Variants in ZNF337 observed in about 807,000 individuals in gnomAD.
The protein encoded by ZNF337 is zinc finger protein 337.
In ZNF337, 8 loss-of-function variants were observed where a neutral mutation model predicts 12.1. The ratio of observed to expected loss-of-function variants is 0.66; its 90% CI spans 0.39 to 1.19. ZNF337 has a LOEUF of 1.19. ZNF337 is among the 50% of genes most tolerant of loss of function. The probability of loss-of-function intolerance (pLI) is 0.01; values close to 1 mark genes in which losing one functional copy is unlikely to be tolerated. For synonymous variants in ZNF337, 336 were observed against 320.0 expected, an observed-to-expected ratio of 1.05 and a Z score of -0.53; for missense variants, 882 against 896.6, an observed-to-expected ratio of 0.98 and a Z score of 0.21.
rs770806731 is a variant in ZNF337 at position 25,675,017 on chromosome 20, T to C, written c.*15A>G. On this transcript the variant is annotated 3_prime_UTR_variant, in exon 5 of 5. Transcript: ENST00000252979. Reference sequence around the variant, plus strand: ...TCTCCTGAGTGTGTCCTCTGATGGATGGTGAGATATAACTTCAAGATGAAG... The same window carrying C: ...TCTCCTGAGTGTGTCCTCTGATGGACGGTGAGATATAACTTCAAGATGAAG... 14 of 1,604,312 alleles carry C rather than the reference T, an allele frequency of 8.7e-6. No homozygotes were observed. Among genetic ancestry groups the C allele is most frequent in the East Asian group, 4.5e-5 (2 of 44,820 alleles).
Position 25,675,339 on chromosome 20 carries a change from TG to T in ZNF337, c.1948del (p.His650ThrfsTer83). The stretch of plus-strand genomic sequence containing the variant: ...ACACACGAAGGGCTTCTCCCCTGAG[TG>T]TGTCCTCTGGTGTGTGAGGAGATTT... The part of the protein sequence containing the change: ...KGNLLTHQRT[H>X]SGEKPFVCNV... On this transcript the variant is annotated frameshift_variant, in exon 5 of 5. Coordinates refer to ENST00000252979, the MANE Select transcript of ZNF337 (RefSeq NM_015655.4). LOFTEE classifies it low-confidence loss of function (END_TRUNC). 6.2e-7 allele frequency: 1 copy of T among 1,614,208 alleles called. No individual in the cohort carries two copies. Among genetic ancestry groups the T allele is most frequent in the Non-Finnish European group, 8.5e-7 (1 of 1,180,034 alleles).
chr20:25,686,661 T>TG (rs2065836831), intron 1 of ZNF337, 195 bp from the exon 2 acceptor site: 1 of 555,864 alleles, frequency 1.8e-6, no homozygotes, highest in African/African-American at 1.9e-5. Context: ...GAGTGAAGTG[T>TG]GCCCCAGGAG....
At chr20:25,690,649 T>C (rs964691642) in intron 1 of ZNF337, among the ~76,000 whole-genome samples, 1 of 152,150 alleles carries the variant, frequency 6.6e-6, no homozygotes, top group African/African-American at 2.4e-5. Flanking sequence ...GGGCAAGATA[T>C]TATGGGTGGA....
Position 25,685,577 on chromosome 20 carries a change from G to A in ZNF337, c.240C>T (p.Gly80=). The part of the protein sequence containing the change: ...PWGEERRRRP[G]PCAGIYAEHV... ...TGTCTATCCCCTCACCTGCACAGGG[G>A]CCTGGCCGGCGTCTTCTCTCTTCTC... The change falls in exon 4 of 5, where the codon GGC becomes GGT. Residue 80 remains glycine (G), a synonymous_variant. Transcript: ENST00000252979. The A allele has an allele frequency of 6.2e-7, 1 of 1,613,920 alleles. No individual in the cohort carries two copies. Among genetic ancestry groups the A allele is most frequent in the Non-Finnish European group, 8.5e-7 (1 of 1,179,780 alleles).
intron 4 of ZNF337, among the ~76,000 whole-genome samples, chr20:25,679,415 A>G (rs1012225991): frequency 3.3e-4 from 51 of 152,352 alleles, no homozygotes; most frequent in African/African-American, 1.2e-3. Context: ...AAATATCTGC[A>G]AAGTATTCAT....
intron 4 of ZNF337, among the ~76,000 whole-genome samples, chr20:25,679,705 T>G (rs2065748256): frequency 6.6e-6 from 1 of 152,100 alleles, no homozygotes. Flanking sequence ...TATACACTCT[T>G]GGTGTATAAT....
At position 25,674,443 on chromosome 20, in the gene ZNF337, T is replaced by C. The variant is rs142821224; in HGVS notation, c.*589A>G. On this transcript the variant is annotated 3_prime_UTR_variant, in exon 5 of 5. Transcript: ENST00000252979. Reference sequence around the variant, plus strand: ...CTTTTCATAAGGGCACCTGATCCCATTCGCAAAGCTCTATCTTCGTGACTT... The same window carrying C: ...CTTTTCATAAGGGCACCTGATCCCACTCGCAAAGCTCTATCTTCGTGACTT... 4.5e-4 allele frequency: 68 copies of C among 152,664 alleles called. No individual in the cohort carries two copies. In the East Asian group the frequency reaches 0.011, roughly 26 times the overall value. The allele number at this position is 152,664 out of a possible 1,614,324, so 9.5% of individuals were successfully genotyped here. A position where few individuals can be genotyped will look rare whatever the true frequency, so the allele number is the denominator to read the frequency against.
At position 25,675,052 on chromosome 20, in the gene ZNF337, C is replaced by G. The variant is rs761060400; in HGVS notation, c.2236G>C (p.Val746Leu). 3.1e-6 allele frequency: 5 copies of G among 1,613,614 alleles called. No homozygotes were observed. Among genetic ancestry groups the G allele is most frequent in the Non-Finnish European group, 4.2e-6 (5 of 1,179,738 alleles). Reference sequence around the variant, plus strand: ...TAACTTCAAGATGAAGCCTCACCCACACTCCCTGTACAAAAACGCTTCTCA... The same window carrying G: ...TAACTTCAAGATGAAGCCTCACCCAGACTCCCTGTACAAAAACGCTTCTCA... ...LREKRFCTGSVGEASS is the reference protein window; with the variant it reads ...LREKRFCTGSLGEASS The change falls in exon 5 of 5, where the codon GTG becomes CTG. Residue 746 changes from valine to leucine, a missense_variant. By Grantham distance (32) the Val-to-Leu change is conservative (BLOSUM62 1). Coordinates refer to ENST00000252979, the MANE Select transcript of ZNF337 (RefSeq NM_015655.4).
rs1298884499 is a variant in ZNF337, at chr20:25,673,927, A to C, written c.*1105T>G. 1.3e-5 allele frequency: 2 copies of C among 152,198 alleles called. No individual in the cohort carries two copies. The highest frequency in any genetic ancestry group is 4.8e-5 in the African/African-American group (2 of 41,456). The allele number at this position is 152,198 out of a possible 1,614,324, so 9.4% of individuals were successfully genotyped here. A position where few individuals can be genotyped will look rare whatever the true frequency, so the allele number is the denominator to read the frequency against. On this transcript the variant is annotated 3_prime_UTR_variant, in exon 5 of 5. Transcript: ENST00000252979. ...TTCTCTATCATTGAGGCATTTTCTC[A>C]GGAAATCACCTGTGAAATATTTTGC...
rs573784134 is a variant in ZNF337 at position 25,686,597 on chromosome 20, G to A, written c.-49-131C>T. The A allele has an allele frequency of 1.1e-4, 76 of 675,210 alleles. 1 individual carries two copies. The highest frequency in any genetic ancestry group is 6.8e-4 in the Admixed American group (22 of 32,472). The allele number at this position is 675,210 out of a possible 1,614,324, so 41.8% of individuals were successfully genotyped here. On this transcript the variant is annotated intron_variant, in intron 1 of 4. Coordinates refer to ENST00000252979, the MANE Select transcript of ZNF337 (RefSeq NM_015655.4). ...TGCACAATTCCCCTGTGGGGATCTG[G>A]CCAAAAGGTCTAGGGAGCCAGGCTC...
At position 25,675,079 on chromosome 20, in the gene ZNF337, G is replaced by GT. The variant is rs1223819574; in HGVS notation, c.2208dup (p.Arg737ThrfsTer2). On this transcript the variant is annotated frameshift_variant, in exon 5 of 5. Coordinates refer to ENST00000252979, the MANE Select transcript of ZNF337 (RefSeq NM_015655.4). LOFTEE classifies it low-confidence loss of function (END_TRUNC). ...CTCCCTGTACAAAAACGCTTCTCAC[G>GT]TAAGTGTCTCTTTAAGTGCTTACTG... 13 of 1,612,744 alleles carry GT rather than the reference G, an allele frequency of 8.1e-6. No homozygotes were observed. In the East Asian group the frequency reaches 1.6e-4, roughly 19 times the overall value.
At chr20:25,678,190 A>C (rs1395984664) in intron 4 of ZNF337, 1 of 152,216 alleles carries the variant, frequency 6.6e-6, no homozygotes, top group Non-Finnish European at 1.5e-5. Context: ...TGATGTCAAT[A>C]AAGTTGCACA....
Position 25,676,781 on chromosome 20 carries a change from C to G in ZNF337, c.507G>C (p.Leu169Phe). The change falls in exon 5 of 5, where the codon TTG (leucine) becomes TTC (phenylalanine). Residue 169 changes from leucine (L) to phenylalanine (F), a missense_variant. Transcript: ENST00000252979. ...CCCATCTTGAATTTTCTATTCCTTT[C>G]AATACTTTGTCTATTTCTGTAGGAT... Reference protein sequence around the residue: ...RENPTEIDKVLKGIENSRWGA... With the variant: ...RENPTEIDKVFKGIENSRWGA... 6.2e-7 allele frequency: 1 copy of G among 1,614,184 alleles called. No individual in the cohort carries two copies.
chr20:25,686,218 TTGA>T (rs2122431408), intron 2 of ZNF337, 96 bp from the exon 3 acceptor site: 1 of 1,579,782 alleles, frequency 6.3e-7, no homozygotes, highest in South Asian at 1.1e-5. Flanking sequence ...AGATCACTAC[TTGA>T]TGAGTGACAC....
At chr20:25,684,501 A>G (rs1365568931) in intron 4 of ZNF337, among the ~76,000 whole-genome samples, 1 of 152,198 alleles carries the variant, frequency 6.6e-6, no homozygotes, top group East Asian at 1.9e-4. Flanking sequence ...ATGTGGAGAA[A>G]TAGGAATGCT....
chr20:25,676,196 G>A lies in ZNF337; in HGVS notation c.1092C>T (p.Ile364=). The part of the protein sequence containing the change: ...GRGFSNKSHL[I]THQRTHSGEK... ...CCCCTGAGTGTGTCCTCTGGTGTGT[G>A]ATAAGGTGTGACTTATTGCTAAAGC... The change falls in exon 5 of 5, where the codon ATC becomes ATT. Residue 364 remains isoleucine (I), a synonymous_variant. Coordinates refer to ENST00000252979, the MANE Select transcript of ZNF337 (RefSeq NM_015655.4). 1.9e-6 allele frequency: 3 copies of A among 1,614,086 alleles called. No homozygotes were observed. The highest frequency in any genetic ancestry group is 2.5e-6 in the Non-Finnish European group (3 of 1,180,034).
At chr20:25,690,957 T>C (rs1192972725) in intron 1 of ZNF337, among the ~76,000 whole-genome samples, 4 of 152,028 alleles carry the variant, frequency 2.6e-5, no homozygotes, top group Non-Finnish European at 5.9e-5. Flanking sequence ...TCAGAAAACA[T>C]GGCCCAATAA....
At position 25,673,569 on chromosome 20, in the gene ZNF337, A is replaced by G. The variant is rs149347022; in HGVS notation, c.*1463T>C. The stretch of plus-strand genomic sequence containing the variant: ...TTCCGGTGTCATTTTTCAGGATCCC[A>G]GATTTTCCTTACGAAGGGTCTGACC... On this transcript the variant is annotated 3_prime_UTR_variant, in exon 5 of 5. Transcript: ENST00000252979. 1.1e-3 allele frequency among the ~76,000 whole-genome samples: 160 copies of G among 152,318 alleles called. No homozygotes were observed. The highest frequency in any genetic ancestry group is 1.9e-3 in the Non-Finnish European group (126 of 68,024).
rs946554656 is a variant in ZNF337 at position 25,673,482 on chromosome 20, C to G, written c.*1550G>C. On this transcript the variant is annotated 3_prime_UTR_variant, in exon 5 of 5. Transcript: ENST00000252979. ...CCTAAGGAAGGATGGGCCATCTCTA[C>G]ACACCCAGATGGTCTGTGGCTGGGA... 1.3e-5 allele frequency among the ~76,000 whole-genome samples: 2 copies of G among 152,196 alleles called. No homozygotes were observed. The highest frequency in any genetic ancestry group is 2.9e-5 in the Non-Finnish European group (2 of 68,036).
Sources: gnomAD v4.1 joint callset for allele counts (sites outside exome capture counted in the v4.1 genomes callset) on GRCh38, gnomAD v4.1.1 for gene constraint, MANE v1.5 for transcripts, NCBI Gene and HGNC (gene_info 2026-07-23, HGNC 2026-07-21) for gene names.